The following ZSCAN5A variants were observed in gnomAD, a reference collection of about 807,000 sequenced individuals.
The protein encoded by ZSCAN5A is zinc finger and SCAN domain-containing protein 5A.
ZSCAN5A carries 12 observed loss-of-function variants against 23.7 expected under a neutral mutation model. The ratio of observed to expected loss-of-function variants is 0.51; its 90% CI spans 0.32 to 0.82. ZSCAN5A has a LOEUF of 0.82. Among genes scored for constraint, ZSCAN5A ranks in the 40% least tolerant of loss-of-function variants. ZSCAN5A has a pLI of 0.03. For synonymous variants in ZSCAN5A, 257 were observed against 239.9 expected, an observed-to-expected ratio of 1.07 and a Z score of -0.66; for missense variants, 597 against 617.9, an observed-to-expected ratio of 0.97 and a Z score of 0.36.
upstream of ZSCAN5A, chr19:56,319,801 T>C: frequency 3.9e-6 from 3 of 776,342 alleles, no homozygotes; most frequent in Admixed American, 1.7e-5. Flanking sequence ...TATGGTCCAC[T>C]GGAATTGGGA....
intron 2 of ZSCAN5A, among the ~76,000 whole-genome samples, chr19:56,285,959 C>T (rs548590128): frequency 3.7e-4 from 56 of 152,200 alleles, no homozygotes; most frequent in Non-Finnish European, 7.3e-4. Context: ...TTTGCATCTT[C>T]ATATACAGCC....
At position 56,223,733 on chromosome 19, in the gene ZSCAN5A, G is replaced by A. The variant is rs781265590; in HGVS notation, c.486C>T (p.Ser162=). The change falls in exon 4 of 6, where the codon TCC becomes TCT. Residue 162 remains serine, a synonymous_variant. Coordinates refer to ENST00000683990, the MANE Select transcript of ZSCAN5A (RefSeq NM_001322064.3). ...SSVRDDLKDV[S]SQRASSVNQM... ...GGTTCACCGAGGAGGCCCGTTGGCT[G>A]GACACGTCTTTCAGATCATCTCTGA... The A allele has an allele frequency of 2.5e-6, 4 of 1,613,826 alleles. No homozygotes were observed. In the South Asian group the frequency reaches 4.4e-5, roughly 18 times the overall value.
At chr19:56,337,915 G>C (rs984636905) in intron 2 of ZSCAN5A, among the ~76,000 whole-genome samples, 5 of 152,192 alleles carry the variant, frequency 3.3e-5, no homozygotes, top group African/African-American at 1.2e-4. Flanking sequence ...ATTCTGCAAA[G>C]TAATATGCTA....
intron 2 of ZSCAN5A, among the ~76,000 whole-genome samples, chr19:56,302,616 T>TTCCTCCCTCCCTCC (rs1228088991): frequency 4.7e-4 from 44 of 94,008 alleles, no homozygotes; most frequent in East Asian, 1.2e-3. Flanking sequence ...CCTCTCCCTC[T>TTCCTCCCTCCCTCC]TCCTCCCTCC....
chr19:56,298,404 G>A (rs1295762452), intron 2 of ZSCAN5A, among the ~76,000 whole-genome samples: 12 of 152,264 alleles, frequency 7.9e-5, no homozygotes, highest in East Asian at 1.9e-4. Context: ...CTGGGAGGCC[G>A]AGGCAGGCGG....
chr19:56,222,013 C>T lies in ZSCAN5A; in HGVS notation c.1053G>A (p.Lys351=), dbSNP rs1870216982. The T allele has an allele frequency of 1.9e-6, 3 of 1,614,090 alleles. No individual in the cohort carries two copies. The highest frequency in any genetic ancestry group is 1.7e-5 in the Admixed American group (1 of 60,002). Residue 351 remains lysine (K), a synonymous_variant, in exon 6 of 6, where the codon AAG becomes AAA. Transcript: ENST00000683990. ...PVSHPDGQEA[K]ALPPFACDVC... is the part of the protein sequence containing the mutation. ...CGTCACATGCAAAGGGCGGCAGTGCCTTGGCTTCTTGGCCATCCGGGTGAC... is the reference window on the plus strand; with the variant it reads ...CGTCACATGCAAAGGGCGGCAGTGCTTTGGCTTCTTGGCCATCCGGGTGAC...
chr19:56,230,899 A>T (rs191306192), intron 2 of ZSCAN5A, among the ~76,000 whole-genome samples: 1 of 152,232 alleles, frequency 6.6e-6, no homozygotes, highest in Non-Finnish European at 1.5e-5. Context: ...AACCTATTTT[A>T]TAATAGAGCA....
rs116665287 is a variant in ZSCAN5A, at chr19:56,266,880, G to A, written c.-127-41707C>T. The A allele has an allele frequency of 1.0e-3, 156 of 152,386 alleles. 1 individual carries two copies. The highest frequency in any genetic ancestry group is 2.8e-3 in the African/African-American group (115 of 41,548). The allele number at this position is 152,386 out of a possible 1,614,324, so 9.4% of individuals were successfully genotyped here. On this transcript the variant is annotated intron_variant, in intron 2 of 5. Coordinates refer to ENST00000683990, the MANE Select transcript of ZSCAN5A (RefSeq NM_001322064.3). ...GGTTTGTGCTTACTATCATTCTCAC[G>A]GCGGAGCCCACTCAGGTTTGTTGAC...
At chr19:56,232,377 C>T (rs2034545926) in intron 2 of ZSCAN5A, among the ~76,000 whole-genome samples, 1 of 152,102 alleles carries the variant, frequency 6.6e-6, no homozygotes, top group African/African-American at 2.4e-5. Context: ...TGAGATTCAT[C>T]CATGTTCTTG....
intron 2 of ZSCAN5A, among the ~76,000 whole-genome samples, chr19:56,230,111 ATATTAT>A (rs892158434): frequency 3.3e-5 from 5 of 151,760 alleles, no homozygotes; most frequent in African/African-American, 1.2e-4. Context: ...CATTATTATT[ATATTAT>A]TATTATTATT....
intron 2 of ZSCAN5A, chr19:56,342,722 T>C (rs958729276): frequency 4.5e-6 from 3 of 662,690 alleles, no homozygotes; most frequent in Admixed American, 4.5e-5. Flanking sequence ...CTCTGGATTA[T>C]ATCTGTGTCC....
chr19:56,330,522 C>G (rs935520760), intron 2 of ZSCAN5A, among the ~76,000 whole-genome samples: 5 of 152,096 alleles, frequency 3.3e-5, no homozygotes, highest in African/African-American at 1.2e-4. Context: ...TAATAATAGT[C>G]ATTTTGACTG....
chr19:56,260,695 T>C (rs901264320), intron 2 of ZSCAN5A, among the ~76,000 whole-genome samples: 22 of 152,244 alleles, frequency 1.4e-4, no homozygotes, highest in African/African-American at 4.8e-4. Context: ...GTTAATATGT[T>C]TGAGGAAAAT....
intron 1 of ZSCAN5A, among the ~76,000 whole-genome samples, chr19:56,367,698 G>A (rs10419213): frequency 0.16 from 24,230 of 152,160 alleles, 2,062 homozygotes; most frequent in Middle Eastern, 0.3. Flanking sequence ...ATATTGTTCC[G>A]TGCACACATG....
chr19:56,268,275 T>G (rs1281769217), intron 2 of ZSCAN5A, among the ~76,000 whole-genome samples: 1 of 152,198 alleles, frequency 6.6e-6, no homozygotes, highest in African/African-American at 2.4e-5. Flanking sequence ...TCATGCCAGC[T>G]GCAGCCGAGA....
chr19:56,298,584 C>T (rs1405788594), intron 2 of ZSCAN5A, among the ~76,000 whole-genome samples: 2 of 150,238 alleles, frequency 1.3e-5, no homozygotes, highest in African/African-American at 2.5e-5. Flanking sequence ...ACCTGGGAGG[C>T]GGAAGCTGCA....
intron 2 of ZSCAN5A, chr19:56,274,370 CT>C (rs750375435): frequency 2.6e-5 from 4 of 151,750 alleles, no homozygotes; most frequent in Non-Finnish European, 5.9e-5. Flanking sequence ...AGGAAAATCG[CT>C]TGAACTCAGG....
At chr19:56,334,925 G>A (rs1205320935) in intron 2 of ZSCAN5A, among the ~76,000 whole-genome samples, 1 of 152,192 alleles carries the variant, frequency 6.6e-6, no homozygotes, top group African/African-American at 2.4e-5. Flanking sequence ...TCTCCAGCAA[G>A]GGTTTGAAAC....
intron 2 of ZSCAN5A, among the ~76,000 whole-genome samples, chr19:56,228,933 C>T (rs946590419): frequency 2.0e-5 from 3 of 152,146 alleles, no homozygotes; most frequent in Admixed American, 6.6e-5. Flanking sequence ...CAGAGAAAGG[C>T]ACATGGTCCC....
Sources: gnomAD v4.1 joint callset for allele counts (sites outside exome capture counted in the v4.1 genomes callset) on GRCh38, gnomAD v4.1.1 for gene constraint, MANE v1.5 for transcripts, NCBI Gene and HGNC (gene_info 2026-07-23, HGNC 2026-07-21) for gene names.